The following B4GALNT3 variants were observed in gnomAD, a reference collection of about 807,000 sequenced individuals.
The protein encoded by B4GALNT3 is beta-1,4-N-acetylgalactosaminyltransferase 3.
Under a neutral mutation model 120.2 loss-of-function variants are expected in B4GALNT3, and 86 were observed. That is an observed-to-expected ratio of 0.72 (90% CI 0.60 to 0.86). The LOEUF (loss-of-function observed/expected upper bound fraction) is 0.86. B4GALNT3 is among the 40% of genes least tolerant of loss of function. B4GALNT3 has a pLI of 0.00. For synonymous variants in B4GALNT3, 518 were observed against 510.4 expected, an observed-to-expected ratio of 1.01 and a Z score of -0.20; for missense variants, 1,167 against 1,298.9, an observed-to-expected ratio of 0.90 and a Z score of 1.56.
chr12:542,409 C>G (rs1019066428), intron 3 of B4GALNT3, among the ~76,000 whole-genome samples: 1 of 152,202 alleles, frequency 6.6e-6, no homozygotes, highest in Non-Finnish European at 1.5e-5. Flanking sequence ...ACTTGTGCCA[C>G]TTCTTCTTAT....
intron 1 of B4GALNT3, among the ~76,000 whole-genome samples, chr12:520,046 C>T (rs1946692020): frequency 6.6e-6 from 1 of 152,136 alleles, no homozygotes; most frequent in African/African-American, 2.4e-5. Context: ...ATGGTTCGGG[C>T]CAGCTGTCAT....
rs1860613 is a variant in B4GALNT3, at chr12:562,504, C to T, written c.*1053C>T. On this transcript the variant is annotated 3_prime_UTR_variant, in exon 20 of 20. Coordinates refer to ENST00000266383, the MANE Select transcript of B4GALNT3 (RefSeq NM_173593.4). This position sits in a 1 kb window ranked among gnomAD's most constrained non-coding sequence, Gnocchi z 5.2. ...GAGTGGAAGAAGAGGAAAGGGTGTA[C>T]GGGGGCAAAACCCTGGACAGGGAGC... The T allele has an allele frequency of 0.4, 60,627 of 151,606 alleles. 12,563 individuals are homozygous for T. Among genetic ancestry groups the T allele is most frequent in the Admixed American group, 0.44 (6,733 of 15,228 alleles). 9.4% of individuals were successfully genotyped at this position (151,606 alleles called of 1,614,324 possible).
chr12:514,855 C>T (rs920541228), intron 1 of B4GALNT3, among the ~76,000 whole-genome samples: 3 of 152,074 alleles, frequency 2.0e-5, no homozygotes, highest in East Asian at 2.0e-4. Context: ...ATGGTGAAAC[C>T]TCGTCTCCAC....
chr12:530,202 A>G (rs568794449), intron 1 of B4GALNT3, among the ~76,000 whole-genome samples: 2 of 152,402 alleles, frequency 1.3e-5, no homozygotes, highest in East Asian at 1.9e-4. Flanking sequence ...GAGCGTTGCT[A>G]TGTCTTAGGC....
chr12:547,817 G>A (rs1947027151), intron 7 of B4GALNT3, among the ~76,000 whole-genome samples: 1 of 152,302 alleles, frequency 6.6e-6, no homozygotes, highest in Non-Finnish European at 1.5e-5. Flanking sequence ...GAGGTACTCT[G>A]ATTATGCCCA....
At chr12:533,838 C>A (rs982385134) in intron 1 of B4GALNT3, among the ~76,000 whole-genome samples, 8 of 152,212 alleles carry the variant, frequency 5.3e-5, no homozygotes, top group African/African-American at 1.7e-4. Context: ...CAGCGTGCAG[C>A]CCCTGATCCC....
intron 1 of B4GALNT3, among the ~76,000 whole-genome samples, chr12:511,944 C>T (rs1381826619): frequency 7.2e-6 from 1 of 138,218 alleles, no homozygotes; most frequent in African/African-American, 2.7e-5. Context: ...CACCTTCTTC[C>T]ACCTTTGACC....
Position 549,770 on chromosome 12 carries a change from T to C in B4GALNT3, c.855T>C (p.Asn285=). ...GCTTTCTTTCCTCCCTGCGCCCAGATGAGACGTTCCTACAGATGGATGAGG... is the reference window on the plus strand; with the variant it reads ...GCTTTCTTTCCTCCCTGCGCCCAGACGAGACGTTCCTACAGATGGATGAGG... The part of the protein sequence containing the change: ...IDSLSLSLFT[N]ETFLQMDEVG... The change falls in exon 10 of 20, where the codon AAT becomes AAC. Residue 285 remains asparagine (N), a splice_region_variant and synonymous_variant. Coordinates refer to ENST00000266383, the MANE Select transcript of B4GALNT3 (RefSeq NM_173593.4). 6.2e-7 allele frequency: 1 copy of C among 1,613,540 alleles called. No homozygotes were observed. Among genetic ancestry groups the C allele is most frequent in the Non-Finnish European group, 8.5e-7 (1 of 1,179,846 alleles).
At chr12:536,878 TTAAAGA>T (rs1449608060) in intron 3 of B4GALNT3, among the ~76,000 whole-genome samples, 2 of 152,214 alleles carry the variant, frequency 1.3e-5, no homozygotes, top group African/African-American at 4.8e-5. Flanking sequence ...ATCCCCAGTC[TTAAAGA>T]TAAGCATCCC....
In B4GALNT3 at chr12:556,622, G is replaced by A. The variant is rs759851213; in HGVS notation, c.2136G>A (p.Glu712=). Residue 712 remains glutamate, a synonymous_variant, in exon 15 of 20, where the codon GAG becomes GAA. Transcript: ENST00000266383. ...TACGTGGGGGTCGCTACCTCCTGGAGCTTGAACTGTTGGAACAAGGCCAGC... is the reference window on the plus strand; with the variant it reads ...TACGTGGGGGTCGCTACCTCCTGGAACTTGAACTGTTGGAACAAGGCCAGC... ...DQLRGGRYLL[E]LELLEQGQRV... 4.3e-6 allele frequency: 7 copies of A among 1,614,064 alleles called. No homozygotes were observed. Among genetic ancestry groups the A allele is most frequent in the East Asian group, 2.2e-5 (1 of 44,886 alleles).
At chr12:546,809 C>A in intron 7 of B4GALNT3, 96 bp downstream of exon 7, 1 of 1,242,496 alleles carries the variant, frequency 8.0e-7, no homozygotes, top group Non-Finnish European at 1.1e-6. Flanking sequence ...GACTCCAGAG[C>A]TTCCGTGTGT....
chr12:530,321 G>C (rs1312122723), intron 1 of B4GALNT3, among the ~76,000 whole-genome samples: 1 of 152,274 alleles, frequency 6.6e-6, no homozygotes, highest in Non-Finnish European at 1.5e-5. Context: ...ACTTACGTGA[G>C]AACTTAGTCT....
intron 3 of B4GALNT3, 73 bp from the exon 4 acceptor site, chr12:544,266 C>G: frequency 7.2e-7 from 1 of 1,389,528 alleles, no homozygotes; most frequent in African/African-American, 1.5e-5. Context: ...GATGCTCATC[C>G]CCCTGGAGCT....
At chr12:535,481 A>G (rs1035920559) in intron 2 of B4GALNT3, among the ~76,000 whole-genome samples, 2 of 152,168 alleles carry the variant, frequency 1.3e-5, no homozygotes, top group Admixed American at 1.3e-4. Flanking sequence ...GGAAACTTTT[A>G]CTGGGGCTGC....
chr12:467,568 TAAAC>T lies in B4GALNT3; in HGVS notation c.169+7027_169+7030del, dbSNP rs1381739346. Among the ~76,000 whole-genome samples the T allele has an allele frequency of 2.6e-5, 4 of 151,986 alleles. No individual in the cohort carries two copies. The East Asian group carries it at 5.8e-4, about 22-fold the overall frequency. On this transcript the variant is annotated intron_variant, in intron 1 of 19. Coordinates refer to ENST00000266383, the MANE Select transcript of B4GALNT3 (RefSeq NM_173593.4). ...CAAGACTGTGTCTTAAATAAATAAA[TAAAC>T]AAAATAAAATAGGGATAAAAATAAT...
At chr12:546,499 C>G in intron 6 of B4GALNT3, 147 bp from the exon 7 acceptor site, 1 of 749,452 alleles carries the variant, frequency 1.3e-6, no homozygotes, top group South Asian at 1.7e-5. Flanking sequence ...CTTCTGTTTT[C>G]TCTCCTACCT....
intron 1 of B4GALNT3, among the ~76,000 whole-genome samples, chr12:516,198 T>C (rs1946653854): frequency 6.6e-6 from 1 of 151,158 alleles, no homozygotes; most frequent in South Asian, 2.1e-4. Flanking sequence ...AAAGTATATG[T>C]GTGGGGAGAA....
At chr12:558,220 G>A in intron 17 of B4GALNT3, 132 bp downstream of exon 17, 1 of 1,025,754 alleles carries the variant, frequency 9.7e-7, no homozygotes, top group East Asian at 2.6e-5. Context: ...CCTCTCTGCT[G>A]TGCTGCAGGC....
rs145153320 is a variant in B4GALNT3, at chr12:556,656, C to T, written c.2170C>T (p.Arg724Trp). ...ELLEQGQRVV[R>W]LSEYVSARGW... ...GTTGGAACAAGGCCAGCGCGTGGTG[C>T]GGCTCTCGGAGTATGTGTCTGCACG... Residue 724 changes from arginine (R) to tryptophan (W), a missense_variant, in exon 15 of 20, where the codon CGG becomes TGG. Coordinates refer to ENST00000266383, the MANE Select transcript of B4GALNT3 (RefSeq NM_173593.4). 3.7e-4 allele frequency: 599 copies of T among 1,613,848 alleles called. No individual in the cohort carries two copies. The highest frequency in any genetic ancestry group is 4.9e-4 in the Non-Finnish European group (577 of 1,180,042).
Sources: allele counts gnomAD v4.1 joint callset (sites outside exome capture counted in the v4.1 genomes callset), GRCh38; gene constraint gnomAD v4.1.1; non-coding constraint Gnocchi (gnomAD v3.1); transcripts MANE v1.5; gene names NCBI Gene and HGNC (gene_info 2026-07-23, HGNC 2026-07-21).